The following EDIL3 variants were observed in gnomAD, a reference collection of about 807,000 sequenced individuals.
EDIL3 encodes EGF-like repeat and discoidin I-like domain-containing protein 3.
Under a neutral mutation model 67.4 loss-of-function variants are expected in EDIL3, and 37 were observed. The observed-to-expected ratio is 0.55, with a 90% confidence interval of 0.42 to 0.72. The LOEUF (loss-of-function observed/expected upper bound fraction) is 0.72, where lower values mean the gene tolerates loss of function less well. EDIL3 is among the 30% of genes least tolerant of loss of function. EDIL3 has a pLI of 0.00. For synonymous variants in EDIL3, 195 were observed against 196.3 expected (o/e 0.99, Z 0.05); for missense variants, 527 against 586.3 (o/e 0.90, Z 1.04).
rs528002509 is a variant in EDIL3 at position 83,957,902 on chromosome 5, G to A, written c.1293+5303C>T. Among the ~76,000 whole-genome samples, 24 of 151,540 alleles carry A rather than the reference G, an allele frequency of 1.6e-4. 1 individual carries two copies. Among genetic ancestry groups the A allele is most frequent in the African/African-American group, 3.9e-4 (16 of 41,416 alleles). ...AATCTGCCAACTGAATACACAGTTGGATGAATATAAATTTCACCTCCTTCT... is the reference window on the plus strand; with the variant it reads ...AATCTGCCAACTGAATACACAGTTGAATGAATATAAATTTCACCTCCTTCT... On this transcript the variant is annotated intron_variant, in intron 10 of 10. Transcript: ENST00000296591.
chr5:84,248,841 C>T (rs563300671), intron 2 of EDIL3, among the ~76,000 whole-genome samples: 96 of 152,238 alleles, frequency 6.3e-4, no homozygotes, highest in Non-Finnish European at 1.1e-3. Flanking sequence ...TGACTCTCTC[C>T]TCTTCATCCC....
intron 1 of EDIL3, among the ~76,000 whole-genome samples, chr5:84,361,779 A>G (rs1394204098): frequency 6.6e-6 from 1 of 151,936 alleles, no homozygotes; most frequent in East Asian, 1.9e-4. Flanking sequence ...GAGGCATACC[A>G]AAGTGCTGAA....
At chr5:84,293,142 G>A (rs1310732869) in intron 1 of EDIL3, among the ~76,000 whole-genome samples, 1 of 152,142 alleles carries the variant, frequency 6.6e-6, no homozygotes, top group Non-Finnish European at 1.5e-5. Context: ...CCTGTGGTTT[G>A]TTACATTTGC....
At chr5:84,324,764 G>A (rs1746721558) in intron 1 of EDIL3, among the ~76,000 whole-genome samples, 1 of 151,732 alleles carries the variant, frequency 6.6e-6, no homozygotes, top group Non-Finnish European at 1.5e-5. Context: ...AAGCTTATGA[G>A]ACTATAGTTA....
intron 2 of EDIL3, 49 bp from the exon 3 acceptor site, chr5:84,229,933 A>C: frequency 1.6e-6 from 2 of 1,265,378 alleles, no homozygotes; most frequent in Non-Finnish European, 2.2e-6. Context: ...AAGTGAAGGG[A>C]GGGAGAAGGG....
At chr5:84,026,453 G>A (rs1745817864) in intron 9 of EDIL3, among the ~76,000 whole-genome samples, 1 of 151,838 alleles carries the variant, frequency 6.6e-6, no homozygotes, top group African/African-American at 2.4e-5. Flanking sequence ...TTTTACAACA[G>A]AGATTCAGTT....
At chr5:84,010,814 C>T (rs909397565) in intron 9 of EDIL3, among the ~76,000 whole-genome samples, 5 of 152,160 alleles carry the variant, frequency 3.3e-5, no homozygotes, top group African/African-American at 4.8e-5. Context: ...TGTTCAATCA[C>T]ATTCTCCCCT....
At chr5:84,267,180 C>T (rs1299761334) in intron 1 of EDIL3, among the ~76,000 whole-genome samples, 1 of 152,158 alleles carries the variant, frequency 6.6e-6, no homozygotes, top group East Asian at 1.9e-4. Flanking sequence ...TCTTCAAGTT[C>T]TTCACCTTCT....
intron 3 of EDIL3, among the ~76,000 whole-genome samples, chr5:84,186,646 C>T (rs1743459151): frequency 6.6e-6 from 1 of 151,996 alleles, no homozygotes; most frequent in East Asian, 1.9e-4. Context: ...AATTAAGAAT[C>T]GGCCATATTC....
At chr5:84,019,010 A>T (rs1269553721) in intron 9 of EDIL3, among the ~76,000 whole-genome samples, 1 of 152,206 alleles carries the variant, frequency 6.6e-6, no homozygotes, top group African/African-American at 2.4e-5. Flanking sequence ...ATCTAGAACT[A>T]GAAATACCAT....
At chr5:84,376,820 T>G (rs994569983) in intron 1 of EDIL3, among the ~76,000 whole-genome samples, 1 of 152,142 alleles carries the variant, frequency 6.6e-6, no homozygotes, top group Non-Finnish European at 1.5e-5. Context: ...AAGCCCTAGC[T>G]CAGTAGAAAG....
intron 9 of EDIL3, among the ~76,000 whole-genome samples, chr5:84,027,896 CT>C (rs1745844445): frequency 6.6e-6 from 1 of 152,064 alleles, no homozygotes; most frequent in Admixed American, 6.6e-5. Flanking sequence ...TGTTTCCATG[CT>C]GTATGTTGTC....
chr5:83,969,083 C>A (rs1406494939), intron 9 of EDIL3, among the ~76,000 whole-genome samples: 2 of 151,624 alleles, frequency 1.3e-5, no homozygotes, highest in African/African-American at 4.8e-5. Context: ...ACTTTTCATC[C>A]ATATTTGCAG....
rs555115137 is a variant in EDIL3, at chr5:84,164,191, TATAAAA to T, written c.355+16196_355+16201del. Reference sequence around the variant, plus strand: ...ATCCCTACATATGAAGAGACGTAGATATAAAAATAAAAATAGGTATCCTAAATGATT... The same window carrying T: ...ATCCCTACATATGAAGAGACGTAGATATAAAAATAGGTATCCTAAATGATT... On this transcript the variant is annotated intron_variant, in intron 4 of 10. Coordinates refer to ENST00000296591, the MANE Select transcript of EDIL3 (RefSeq NM_005711.5). 7.7e-4 allele frequency among the ~76,000 whole-genome samples: 117 copies of T among 152,126 alleles called. 6 individuals carry two copies. The highest frequency in any genetic ancestry group is 6.2e-3 in the Admixed American group (94 of 15,246).
intron 2 of EDIL3, among the ~76,000 whole-genome samples, chr5:84,231,827 G>C (rs955883793): frequency 6.6e-6 from 1 of 152,134 alleles, no homozygotes; most frequent in Non-Finnish European, 1.5e-5. Context: ...TACCACAGGG[G>C]CTTGCAGAAG....
At chr5:83,952,247 T>C (rs2112118172) in intron 10 of EDIL3, among the ~76,000 whole-genome samples, 1 of 151,910 alleles carries the variant, frequency 6.6e-6, no homozygotes, top group African/African-American at 2.4e-5. Context: ...CCAAGCTTGC[T>C]GTCATTTAGA....
At chr5:84,132,522 T>A (rs1035099972) in intron 5 of EDIL3, among the ~76,000 whole-genome samples, 1 of 30,146 alleles carries the variant, frequency 3.3e-5, no homozygotes, top group African/African-American at 1.2e-4. Context: ...TATATTTTAA[T>A]ATATATTATA....
rs540086727 is a variant in EDIL3, at chr5:84,286,259, C to T, written c.68-32047G>A. 2.4e-4 allele frequency among the ~76,000 whole-genome samples: 36 copies of T among 152,220 alleles called. No individual in the cohort carries two copies. The East Asian group carries it at 6.8e-3, about 29-fold the overall frequency. ...AAAAACCAATGTGTGCTTTAGCTTGCTACACTCTCCCCATTCTATATATTT... is the reference window on the plus strand; with the variant it reads ...AAAAACCAATGTGTGCTTTAGCTTGTTACACTCTCCCCATTCTATATATTT... On this transcript the variant is annotated intron_variant, in intron 1 of 10. Coordinates refer to ENST00000296591, the MANE Select transcript of EDIL3 (RefSeq NM_005711.5).
intron 2 of EDIL3, among the ~76,000 whole-genome samples, chr5:84,231,662 A>C (rs918007036): frequency 1.3e-5 from 2 of 152,186 alleles, no homozygotes; most frequent in African/African-American, 4.8e-5. Context: ...CTTGGCACAT[A>C]AAGAAATGGA....
Sources: allele counts gnomAD v4.1 joint callset (sites outside exome capture counted in the v4.1 genomes callset), GRCh38; gene constraint gnomAD v4.1.1; transcripts MANE v1.5; gene names NCBI Gene and HGNC (gene_info 2026-07-23, HGNC 2026-07-21).